Variants in FAM110B observed in about 807,000 individuals in gnomAD.
FAM110B encodes the protein protein FAM110B.
FAM110B carries 6 observed loss-of-function variants against 20.4 expected under a neutral mutation model. The ratio of observed to expected loss-of-function variants is 0.29; its 90% CI spans 0.16 to 0.58. FAM110B has a LOEUF of 0.58. FAM110B is among the 20% of genes least tolerant of loss of function. The pLI is 0.90. For missense variants in FAM110B, 434 were observed against 498.2 expected, an observed-to-expected ratio of 0.87 and a Z score of 1.23; for synonymous variants, 226 against 214.1, an observed-to-expected ratio of 1.06 and a Z score of -0.49.
intron 2 of FAM110B, among the ~76,000 whole-genome samples, chr8:58,041,215 C>T (rs1752743358): frequency 6.6e-6 from 1 of 152,166 alleles, no homozygotes; most frequent in African/African-American, 2.4e-5. Context: ...GCTGGGATTA[C>T]AGGCATGAGC....
chr8:58,064,210 C>A (rs1411721402), intron 2 of FAM110B, among the ~76,000 whole-genome samples: 1 of 152,186 alleles, frequency 6.6e-6, no homozygotes, highest in Non-Finnish European at 1.5e-5. Flanking sequence ...CTGGGAATTA[C>A]AATTTGACAT....
intron 1 of FAM110B, among the ~76,000 whole-genome samples, chr8:57,996,931 A>G (rs1228490662): frequency 1.3e-5 from 2 of 152,184 alleles, no homozygotes; most frequent in South Asian, 2.1e-4. Flanking sequence ...ATTTAAAACT[A>G]CTTATTTGCC....
chr8:58,130,031 A>G (rs991515415), intron 3 of FAM110B, among the ~76,000 whole-genome samples: 10 of 152,204 alleles, frequency 6.6e-5, no homozygotes, highest in Admixed American at 5.9e-4. Flanking sequence ...TCAAAGAAAC[A>G]TAGAACCTAT....
chr8:58,029,767 C>G (rs1029286258), intron 1 of FAM110B, among the ~76,000 whole-genome samples: 2 of 152,112 alleles, frequency 1.3e-5, no homozygotes, highest in Admixed American at 1.3e-4. Context: ...CGTATGATCC[C>G]TAAGTTTCAA....
At position 58,060,839 on chromosome 8, in the gene FAM110B, C is replaced by T. The variant is rs147329117; in HGVS notation, c.-413-14696C>T. 2.9e-4 allele frequency among the ~76,000 whole-genome samples: 44 copies of T among 152,226 alleles called. No individual in the cohort carries two copies. The East Asian group carries it at 7.6e-3, about 26-fold the overall frequency. On this transcript the variant is annotated intron_variant, in intron 2 of 3. Transcript: ENST00000519262. ...CCAGTGCAGGGCCCTGGCTCTGTCA[C>T]CTAGGGCCTCTCAAGCATGAGAGCT...
intron 3 of FAM110B, among the ~76,000 whole-genome samples, chr8:58,139,359 A>G (rs1342768000): frequency 2.0e-5 from 3 of 152,214 alleles, no homozygotes. Context: ...CACCATGGAG[A>G]TAAGAAAGAA....
intron 3 of FAM110B, among the ~76,000 whole-genome samples, chr8:58,126,513 A>C (rs1239440026): frequency 1.3e-5 from 2 of 152,120 alleles, no homozygotes; most frequent in Non-Finnish European, 2.9e-5. Context: ...CATTCCTACT[A>C]TCAAGGCATA....
intron 3 of FAM110B, among the ~76,000 whole-genome samples, chr8:58,129,592 G>A (rs1807600996): frequency 1.3e-5 from 2 of 152,152 alleles, no homozygotes; most frequent in Admixed American, 1.3e-4. Flanking sequence ...TACACATTCT[G>A]TACCTTCTCA....
chr8:58,035,361 G>A (rs1339510896), intron 2 of FAM110B, among the ~76,000 whole-genome samples: 1 of 152,128 alleles, frequency 6.6e-6, no homozygotes, highest in Non-Finnish European at 1.5e-5. Flanking sequence ...ACAAACTTTG[G>A]CATTCATTTT....
chr8:58,038,164 A>G (rs1805127514), intron 2 of FAM110B, among the ~76,000 whole-genome samples: 1 of 152,232 alleles, frequency 6.6e-6, no homozygotes, highest in African/African-American at 2.4e-5. Context: ...CTGATGACAT[A>G]GAAATGCATG....
intron 3 of FAM110B, among the ~76,000 whole-genome samples, chr8:58,079,217 C>T (rs891400894): frequency 7.9e-5 from 12 of 152,138 alleles, no homozygotes; most frequent in African/African-American, 2.2e-4. Flanking sequence ...TCAGGAGAGT[C>T]GGCACGACAG....
chr8:58,128,490 T>G (rs1257282285), intron 3 of FAM110B, among the ~76,000 whole-genome samples: 1 of 152,200 alleles, frequency 6.6e-6, no homozygotes, highest in Non-Finnish European at 1.5e-5. Flanking sequence ...GATTTCAGTT[T>G]CAGTTAGAGA....
intron 3 of FAM110B, among the ~76,000 whole-genome samples, chr8:58,115,775 A>G (rs924898338): frequency 2.0e-5 from 3 of 152,194 alleles, no homozygotes; most frequent in Admixed American, 6.5e-5. Context: ...GATACAGTGT[A>G]CCTTATTCTG....
At chr8:58,074,112 C>A (rs1303562931) in intron 2 of FAM110B, among the ~76,000 whole-genome samples, 1 of 152,180 alleles carries the variant, frequency 6.6e-6, no homozygotes. Flanking sequence ...CGGACCCCAC[C>A]CCACTGCCTA....
intron 1 of FAM110B, among the ~76,000 whole-genome samples, chr8:57,997,654 A>T: frequency 6.6e-6 from 1 of 152,190 alleles, no homozygotes; most frequent in East Asian, 1.9e-4. Flanking sequence ...ATGCAGTGAG[A>T]ATTGATATTC....
chr8:58,110,796 AC>A (rs1447118882), intron 3 of FAM110B, among the ~76,000 whole-genome samples: 1 of 152,186 alleles, frequency 6.6e-6, no homozygotes, highest in Non-Finnish European at 1.5e-5. Flanking sequence ...TGTCATTTGA[AC>A]AATGATATGA....
intron 3 of FAM110B, among the ~76,000 whole-genome samples, chr8:58,083,663 G>A (rs1191712679): frequency 6.6e-6 from 1 of 152,250 alleles, no homozygotes; most frequent in East Asian, 1.9e-4. Flanking sequence ...AATACAGAAT[G>A]CAGGCCACTC....
At chr8:58,144,028 G>T (rs1803799783) in intron 3 of FAM110B, among the ~76,000 whole-genome samples, 1 of 152,180 alleles carries the variant, frequency 6.6e-6, no homozygotes, top group Non-Finnish European at 1.5e-5. Flanking sequence ...AGTACGAAGG[G>T]ATTGAAGGAA....
In FAM110B at chr8:58,146,876, C is replaced by G; in HGVS notation, c.646C>G (p.Pro216Ala). Reference sequence around the variant, plus strand: ...CAGCGTGAAGCCCCTCAAGGCCATCCCCTGCAGTAGCTCTGCCCCTCCCCT... The same window carrying G: ...CAGCGTGAAGCCCCTCAAGGCCATCGCCTGCAGTAGCTCTGCCCCTCCCCT... ...VTSVKPLKAI[P>A]CSSSAPPLPP... The change falls in exon 4 of 4, where the codon CCC becomes GCC. Residue 216 changes from proline to alanine, a missense_variant. Transcript: ENST00000519262. 1.9e-6 allele frequency: 3 copies of G among 1,614,118 alleles called. No individual in the cohort carries two copies. The highest frequency in any genetic ancestry group is 2.5e-6 in the Non-Finnish European group (3 of 1,180,014).
Sources: allele counts gnomAD v4.1 joint callset (sites outside exome capture counted in the v4.1 genomes callset), GRCh38; gene constraint gnomAD v4.1.1; transcripts MANE v1.5; gene names NCBI Gene and HGNC (gene_info 2026-07-23, HGNC 2026-07-21).